Variants in TRPC4AP observed in about 807,000 individuals in gnomAD.
The protein encoded by TRPC4AP is short transient receptor potential channel 4-associated protein.
Under a neutral mutation model 99.0 loss-of-function variants are expected in TRPC4AP, and 45 were observed. The ratio of observed to expected loss-of-function variants is 0.45; its 90% CI spans 0.36 to 0.58. The LOEUF (loss-of-function observed/expected upper bound fraction) is 0.58. Among genes scored for constraint, TRPC4AP ranks in the 20% least tolerant of loss-of-function variants. TRPC4AP has a pLI of 0.00. For missense variants in TRPC4AP, 879 were observed against 985.3 expected, an observed-to-expected ratio of 0.89 and a Z score of 1.44; for synonymous variants, 408 against 385.8, an observed-to-expected ratio of 1.06 and a Z score of -0.67.
At chr20:35,092,478 G>C in intron 1 of TRPC4AP, 136 bp downstream of exon 1, 2 of 1,071,050 alleles carry the variant, frequency 1.9e-6, no homozygotes, top group East Asian at 6.4e-5. Flanking sequence ...CGTCCGGGCA[G>C]CTCACAGGGA....
intron 10 of TRPC4AP, among the ~76,000 whole-genome samples, chr20:35,014,456 C>T (rs1420829659): frequency 1.3e-5 from 2 of 150,946 alleles, no homozygotes; most frequent in East Asian, 2.0e-4. Flanking sequence ...TTACAAAACA[C>T]GAGGCAACAC....
chr20:35,003,116 C>T lies in TRPC4AP; in HGVS notation c.*30G>A. ...TCGTACCCACGCTCACCCACACTGG[C>T]CCAGCAGCCTCCCGAGGCCTGGCCC... On this transcript the variant is annotated 3_prime_UTR_variant, in exon 19 of 19. Coordinates refer to ENST00000252015, the MANE Select transcript of TRPC4AP (RefSeq NM_015638.3). 1 of 1,612,886 alleles carries T rather than the reference C, an allele frequency of 6.2e-7. No homozygotes were observed. Among genetic ancestry groups the T allele is most frequent in the Non-Finnish European group, 8.5e-7 (1 of 1,179,456 alleles).
rs865827234 is a variant in TRPC4AP, at chr20:35,031,541, G to A, written c.1051+3582C>T. ...GTGCGCCAACATGCCAGGCCTCAGC[G>A]TTTTTATTACCATGTGTCTGCATGT... On this transcript the variant is annotated intron_variant, in intron 8 of 18. Transcript: ENST00000252015. Among the ~76,000 whole-genome samples the A allele has an allele frequency of 4.6e-5, 7 of 151,518 alleles. No individual in the cohort carries two copies. In the South Asian group the frequency reaches 8.4e-4, roughly 18 times the overall value.
At chr20:35,054,929 G>T (rs4911462) in intron 5 of TRPC4AP, 47 bp downstream of exon 5, 927,968 of 1,497,440 alleles carry the variant, frequency 0.62, 291,466 homozygotes, top group Admixed American at 0.79. Context: ...AAACATTGCA[G>T]ACCTGGTAGG....
chr20:35,013,030 G>C lies in TRPC4AP; in HGVS notation c.1387C>G (p.Gln463Glu). The C allele has an allele frequency of 1.2e-6, 2 of 1,614,102 alleles. No individual in the cohort carries two copies. Among genetic ancestry groups the C allele is most frequent in the Non-Finnish European group, 1.7e-6 (2 of 1,180,030 alleles). The stretch of plus-strand genomic sequence containing the variant: ...TACTCGTGGTGGTCACTGAAGCTCT[G>C]AAGAAGCCTCAAAAACTGTATCTTC... ...TLKIQFLRLLQSFSDHHENKY... is the reference protein window; with the variant it reads ...TLKIQFLRLLESFSDHHENKY... Residue 463 changes from glutamine (Q) to glutamate (E), a missense_variant, in exon 11 of 19, where the codon CAG becomes GAG. Gln to Glu is a conservative substitution (Grantham distance 29). Transcript: ENST00000252015.
Position 35,010,159 on chromosome 20 carries a change from G to A in TRPC4AP, c.1511+28C>T, listed in dbSNP as rs1039107450. On this transcript the variant is annotated intron_variant, in intron 12 of 18. Transcript: ENST00000252015. ...GGAACGTGGGCAGCCGGGATGGGCT[G>A]AGGGAAAAGCTGCACCCCTGCACTC... is the stretch of plus-strand genomic sequence containing the variant. 2.1e-5 allele frequency: 33 copies of A among 1,607,006 alleles called. 1 individual carries two copies. The African/African-American group carries it at 3.1e-4, about 15-fold the overall frequency.
intron 10 of TRPC4AP, among the ~76,000 whole-genome samples, chr20:35,014,814 C>T (rs1002941681): frequency 4.6e-5 from 7 of 152,120 alleles, no homozygotes; most frequent in African/African-American, 1.7e-4. Flanking sequence ...GGCAGGGTGC[C>T]GACTAGCCGG....
At chr20:35,057,182 A>T (rs1321457269) in intron 4 of TRPC4AP, among the ~76,000 whole-genome samples, 1 of 152,164 alleles carries the variant, frequency 6.6e-6, no homozygotes, top group Admixed American at 6.6e-5. Context: ...TTCTAAAAAA[A>T]ATAGTTTAAA....
At chr20:35,076,094 G>C (rs1329713804) in intron 2 of TRPC4AP, among the ~76,000 whole-genome samples, 2 of 152,122 alleles carry the variant, frequency 1.3e-5, no homozygotes, top group Admixed American at 1.3e-4. Context: ...TTCGAGCCAT[G>C]GTGTTCAGCT....
chr20:35,013,950 C>A (rs927376269), intron 10 of TRPC4AP, among the ~76,000 whole-genome samples: 6 of 152,196 alleles, frequency 3.9e-5, no homozygotes, highest in African/African-American at 1.2e-4. Context: ...ACGACTGGGG[C>A]AGTAGGGCCA....
chr20:35,067,295 G>T (rs1600633608), intron 3 of TRPC4AP, among the ~76,000 whole-genome samples: 1 of 152,120 alleles, frequency 6.6e-6, no homozygotes, highest in South Asian at 2.1e-4. Context: ...GACCAGTCTG[G>T]GCAACAAAGC....
intron 9 of TRPC4AP, among the ~76,000 whole-genome samples, chr20:35,019,038 C>T (rs2082824628): frequency 6.6e-6 from 1 of 152,238 alleles, no homozygotes; most frequent in African/African-American, 2.4e-5. Context: ...CATGGGGAGC[C>T]TTTCCAGTCC....
chr20:35,046,634 G>A (rs1258216234), intron 6 of TRPC4AP, among the ~76,000 whole-genome samples: 5 of 152,096 alleles, frequency 3.3e-5, no homozygotes, highest in African/African-American at 7.2e-5. Flanking sequence ...TCCCATACTC[G>A]CCTCTATTTC....
intron 1 of TRPC4AP, among the ~76,000 whole-genome samples, chr20:35,086,537 G>GTATATATCTA (rs1289641922): frequency 1.5e-5 from 1 of 65,038 alleles, no homozygotes. Context: ...GTGTGTGTGT[G>GTATATATCTA]TGTGTGTGTG....
chr20:35,038,481 A>C (rs1052624801), intron 7 of TRPC4AP, among the ~76,000 whole-genome samples: 3 of 152,142 alleles, frequency 2.0e-5, no homozygotes, highest in Non-Finnish European at 1.5e-5. Context: ...TATAATTACA[A>C]AAAGGAATCA....
chr20:35,089,759 T>C (rs1048205730), intron 1 of TRPC4AP, among the ~76,000 whole-genome samples: 5 of 151,882 alleles, frequency 3.3e-5, no homozygotes, highest in East Asian at 1.9e-4. Flanking sequence ...TGAGGCAGAA[T>C]TGCTTGAATC....
At chr20:35,023,039 A>AG (rs1445729877) in intron 8 of TRPC4AP, among the ~76,000 whole-genome samples, 27 of 151,804 alleles carry the variant, frequency 1.8e-4, no homozygotes, top group East Asian at 9.7e-4. Flanking sequence ...AAAAAAAAAA[A>AG]AGAGAGAATC....
intron 3 of TRPC4AP, among the ~76,000 whole-genome samples, chr20:35,064,923 C>T (rs1252521595): frequency 1.3e-5 from 2 of 152,164 alleles, no homozygotes; most frequent in African/African-American, 4.8e-5. Context: ...ACCTAACGGT[C>T]TTGGTATACA....
chr20:35,048,027 A>G (rs2083600220), intron 6 of TRPC4AP, among the ~76,000 whole-genome samples: 1 of 151,972 alleles, frequency 6.6e-6, no homozygotes, highest in African/African-American at 2.4e-5. Flanking sequence ...ACACTCACCA[A>G]CATTTGCCCA....
Sources: gnomAD v4.1 joint callset for allele counts (sites outside exome capture counted in the v4.1 genomes callset) on GRCh38, gnomAD v4.1.1 for gene constraint, MANE v1.5 for transcripts, NCBI Gene and HGNC (gene_info 2026-07-23, HGNC 2026-07-21) for gene names.